Variants in FRAS1 observed in about 807,000 individuals in gnomAD.
FRAS1 encodes extracellular matrix organizing protein FRAS1.
FRAS1 carries 290 observed loss-of-function variants against 435.2 expected under a neutral mutation model. The ratio of observed to expected loss-of-function variants is 0.67; its 90% CI spans 0.61 to 0.73. The LOEUF (loss-of-function observed/expected upper bound fraction) is 0.73. Among genes scored for constraint, FRAS1 ranks in the 30% least tolerant of loss-of-function variants. The probability of loss-of-function intolerance (pLI) is 0.00; values close to 1 mark genes in which losing one functional copy is unlikely to be tolerated. For synonymous variants in FRAS1, 1,800 were observed against 1,851.0 expected (o/e 0.97, Z 0.71); for missense variants, 4,860 against 5,001.5 (o/e 0.97, Z 0.85).
intron 60 of FRAS1, 23 bp from the exon 61 acceptor site, chr4:78,499,698 T>A: frequency 6.2e-7 from 1 of 1,608,796 alleles, no homozygotes; most frequent in Non-Finnish European, 8.5e-7. Flanking sequence ...CTGGCTCTTG[T>A]TTTCCTAACC....
rs1578307936 is a variant in FRAS1 at position 78,412,983 on chromosome 4, C to T, written c.4323C>T (p.Ser1441=). Residue 1441 remains serine, a synonymous_variant, in exon 32 of 74, where the codon TCC becomes TCT. Coordinates refer to ENST00000512123, the MANE Select transcript of FRAS1 (RefSeq NM_025074.7). ...DSFRFEVSSA[S]NAQTRLESHM... ...TTTCTTTTCAGGTGTCCAGTGCCTC[C>T]AATGCCCAGACCCGCCTGGAGAGCC... 1.2e-6 allele frequency: 2 copies of T among 1,604,528 alleles called. No individual in the cohort carries two copies. The highest frequency in any genetic ancestry group is 1.7e-6 in the Non-Finnish European group (2 of 1,175,848).
chr4:78,509,985 T>C (rs971441798), intron 63 of FRAS1, among the ~76,000 whole-genome samples: 4 of 152,218 alleles, frequency 2.6e-5, no homozygotes, highest in African/African-American at 9.6e-5. Flanking sequence ...CCACTAGACA[T>C]AGATGGGAGG....
chr4:78,191,534 C>A (rs201453308), intron 2 of FRAS1, among the ~76,000 whole-genome samples: 2 of 142,822 alleles, frequency 1.4e-5, no homozygotes, highest in African/African-American at 5.2e-5. Flanking sequence ...GTATTATTTT[C>A]TTTTTTTTTT....
intron 2 of FRAS1, among the ~76,000 whole-genome samples, chr4:78,152,652 G>A (rs1432411226): frequency 1.1e-5 from 1 of 91,116 alleles, no homozygotes; most frequent in Admixed American, 1.8e-4. Context: ...TGCGATATTT[G>A]CTGATTGATT....
At chr4:78,389,355 C>G (rs1732355733) in intron 29 of FRAS1, among the ~76,000 whole-genome samples, 2 of 152,264 alleles carry the variant, frequency 1.3e-5, no homozygotes, top group Non-Finnish European at 2.9e-5. Flanking sequence ...TTGTCACTTT[C>G]TCATCAGTGA....
intron 1 of FRAS1, 30 bp downstream of exon 1, chr4:78,058,115 TGTGTGC>T (rs771277097): frequency 2.5e-5 from 40 of 1,572,764 alleles, no homozygotes; most frequent in Non-Finnish European, 2.8e-5. Flanking sequence ...TGTGTGTGTG[TGTGTGC>T]GTGTGCGTGT....
intron 6 of FRAS1, among the ~76,000 whole-genome samples, chr4:78,262,065 A>G (rs1726133845): frequency 1.3e-5 from 2 of 152,170 alleles, no homozygotes; most frequent in African/African-American, 4.8e-5. Flanking sequence ...TAAGCATGCC[A>G]CCTAATCCAA....
At chr4:78,112,873 A>G (rs1001331986) in intron 2 of FRAS1, among the ~76,000 whole-genome samples, 1 of 151,980 alleles carries the variant, frequency 6.6e-6, no homozygotes, top group East Asian at 1.9e-4. Context: ...CATGTGCACA[A>G]CGTGCAGGTT....
intron 61 of FRAS1, 62 bp from the exon 62 acceptor site, chr4:78,507,359 A>T: frequency 7.1e-7 from 1 of 1,413,064 alleles, no homozygotes; most frequent in Non-Finnish European, 9.6e-7. Flanking sequence ...GCCAAGCTGC[A>T]CTCTCTTGGG....
At chr4:78,342,628 C>T (rs538967228) in intron 20 of FRAS1, among the ~76,000 whole-genome samples, 88 of 152,292 alleles carry the variant, frequency 5.8e-4, no homozygotes, top group African/African-American at 1.9e-3. Context: ...ATTTCTCTTT[C>T]TCAGCTAAAA....
intron 61 of FRAS1, among the ~76,000 whole-genome samples, chr4:78,507,092 C>CA (rs369651286): frequency 1.3e-5 from 2 of 152,074 alleles, no homozygotes; most frequent in Admixed American, 6.5e-5. Flanking sequence ...AAAAATTAAG[C>CA]AAAAAAACTC....
At chr4:78,314,053 T>C (rs1042374346) in intron 15 of FRAS1, among the ~76,000 whole-genome samples, 1 of 152,180 alleles carries the variant, frequency 6.6e-6, no homozygotes, top group Admixed American at 6.5e-5. Flanking sequence ...TTCTCTCCCT[T>C]ATCTTTGGAT....
intron 14 of FRAS1, among the ~76,000 whole-genome samples, chr4:78,289,838 C>T (rs1340966085): frequency 6.6e-6 from 1 of 152,150 alleles, no homozygotes; most frequent in Non-Finnish European, 1.5e-5. Context: ...CCCACCTTCC[C>T]CACCACAATA....
chr4:78,272,726 A>G (rs1215308983), intron 9 of FRAS1, among the ~76,000 whole-genome samples: 1 of 152,152 alleles, frequency 6.6e-6, no homozygotes, highest in Non-Finnish European at 1.5e-5. Context: ...CTTGTAGTAT[A>G]GTTTGAAGTC....
At chr4:78,534,259 C>T (rs1229758509) in intron 70 of FRAS1, among the ~76,000 whole-genome samples, 190 bp from the exon 71 acceptor site, 1 of 152,182 alleles carries the variant, frequency 6.6e-6, no homozygotes, top group Non-Finnish European at 1.5e-5. Flanking sequence ...CTAATTATTT[C>T]TGTTCAAAAG....
At chr4:78,444,017 T>G in intron 41 of FRAS1, 1 of 344,332 alleles carries the variant, frequency 2.9e-6, no homozygotes, top group Non-Finnish European at 5.7e-6. Flanking sequence ...CCTGGCAAAT[T>G]TTTGGTGGGG....
chr4:78,098,677 T>C (rs13106755), intron 2 of FRAS1, among the ~76,000 whole-genome samples: 42,318 of 152,120 alleles, frequency 0.28, 6,203 homozygotes, highest in African/African-American at 0.35. Flanking sequence ...ATGGCTTTGA[T>C]GACATGCACT....
chr4:78,149,218 A>G (rs376494864), intron 2 of FRAS1, among the ~76,000 whole-genome samples: 75 of 152,330 alleles, frequency 4.9e-4, no homozygotes, highest in African/African-American at 1.8e-3. Context: ...TTTGGTTACT[A>G]GACCCAGGGC....
At position 78,084,568 on chromosome 4, in the gene FRAS1, G is replaced by A. The variant is rs540880562; in HGVS notation, c.108+18552G>A. 8.5e-5 allele frequency among the ~76,000 whole-genome samples: 13 copies of A among 152,200 alleles called. No homozygotes were observed. The South Asian group carries it at 1.2e-3, about 15-fold the overall frequency. On this transcript the variant is annotated intron_variant, in intron 2 of 73. Coordinates refer to ENST00000512123, the MANE Select transcript of FRAS1 (RefSeq NM_025074.7). ...TGCTGGTAATATTCTTTGCTGCTCA[G>A]TTTGTCCCATCTTTGGATAGTGAGA...
Sources: allele counts gnomAD v4.1 joint callset (sites outside exome capture counted in the v4.1 genomes callset), GRCh38; gene constraint gnomAD v4.1.1; transcripts MANE v1.5; gene names NCBI Gene and HGNC (gene_info 2026-07-23, HGNC 2026-07-21).